Variants in SVOPL observed in about 807,000 individuals in gnomAD.
SVOPL encodes the protein putative transporter SVOPL.
In SVOPL, 60 loss-of-function variants were observed where a neutral mutation model predicts 61.0. That is an observed-to-expected ratio of 0.98 (90% CI 0.80 to 1.22). The LOEUF (loss-of-function observed/expected upper bound fraction) is 1.22. SVOPL is among the 50% of genes most tolerant of loss of function. SVOPL has a pLI of 0.00. For missense variants in SVOPL, 662 were observed against 643.9 expected (o/e 1.03, Z -0.30); for synonymous variants, 279 against 250.0 (o/e 1.12, Z -1.09).
intron 1 of SVOPL, among the ~76,000 whole-genome samples, chr7:138,691,312 T>C (rs996734860): frequency 6.6e-6 from 1 of 152,212 alleles, no homozygotes; most frequent in Non-Finnish European, 1.5e-5. Flanking sequence ...CTAAAATGCT[T>C]AACAATGAGT....
intron 13 of SVOPL, among the ~76,000 whole-genome samples, chr7:138,623,793 C>T (rs1480791786): frequency 6.6e-6 from 1 of 151,978 alleles, no homozygotes. Context: ...AAATTATTTT[C>T]TTAACTATGC....
intron 9 of SVOPL, among the ~76,000 whole-genome samples, chr7:138,642,794 C>T (rs897725241): frequency 1.4e-5 from 2 of 146,250 alleles, no homozygotes; most frequent in Non-Finnish European, 3.0e-5. Context: ...CACGCTACTA[C>T]ACTCCAGCCT....
intron 6 of SVOPL, among the ~76,000 whole-genome samples, chr7:138,657,432 G>T (rs1248652697): frequency 6.6e-6 from 1 of 152,000 alleles, no homozygotes; most frequent in Admixed American, 6.6e-5. Context: ...GTGAGCCACT[G>T]CACTCAGCCT....
intron 3 of SVOPL, among the ~76,000 whole-genome samples, chr7:138,675,381 T>C (rs1260167734): frequency 6.6e-6 from 1 of 152,102 alleles, no homozygotes; most frequent in African/African-American, 2.4e-5. Flanking sequence ...TGAGACTGAG[T>C]CTTGCTGTGT....
At chr7:138,694,829 C>T (rs1420776867) in intron 1 of SVOPL, among the ~76,000 whole-genome samples, 4 of 152,056 alleles carry the variant, frequency 2.6e-5, no homozygotes, top group African/African-American at 7.2e-5. Flanking sequence ...ACCTCCGCCT[C>T]CTGGGTTCAA....
At position 138,663,063 on chromosome 7, in the gene SVOPL, G is replaced by T. The variant is rs757706188; in HGVS notation, c.345+11C>A. On this transcript the variant is annotated intron_variant, in intron 5 of 15. Coordinates refer to ENST00000674285, the MANE Select transcript of SVOPL (RefSeq NM_001139456.2). ...AGACAATTCCAAATGCTACTGTGAG[G>T]CCCCACCTACCTTCCAGCGGCCATA... is the stretch of plus-strand genomic sequence containing the variant. 1.9e-6 allele frequency: 3 copies of T among 1,614,100 alleles called. No individual in the cohort carries two copies. The highest frequency in any genetic ancestry group is 1.3e-5 in the African/African-American group (1 of 75,024).
chr7:138,621,892 A>T (rs1584792382), intron 13 of SVOPL, among the ~76,000 whole-genome samples: 1 of 149,590 alleles, frequency 6.7e-6, no homozygotes, highest in Non-Finnish European at 1.5e-5. Flanking sequence ...CTATCTATCT[A>T]TCTATCTATC....
chr7:138,687,361 G>A (rs190220984), intron 1 of SVOPL, among the ~76,000 whole-genome samples: 127 of 146,350 alleles, frequency 8.7e-4, no homozygotes, highest in African/African-American at 2.9e-3. Context: ...TCAGCCTCCC[G>A]AGTAGCTGGG....
In SVOPL at chr7:138,701,208, T is replaced by A. The variant is rs565824341; in HGVS notation, c.-65A>T. On this transcript the variant is annotated 5_prime_UTR_variant, in exon 1 of 16. Coordinates refer to ENST00000674285, the MANE Select transcript of SVOPL (RefSeq NM_001139456.2). ...TATATTCCTTGGACAGTCTTCCAATTTCAGGCTCTTTTGCTCCCCTCACCG... is the reference window on the plus strand; with the variant it reads ...TATATTCCTTGGACAGTCTTCCAATATCAGGCTCTTTTGCTCCCCTCACCG... 1 of 152,326 alleles carries A rather than the reference T, an allele frequency of 6.6e-6. No individual in the cohort carries two copies. The highest frequency in any genetic ancestry group is 2.4e-5 in the African/African-American group (1 of 41,582). 9.4% of individuals were successfully genotyped at this position (152,326 alleles called of 1,614,324 possible).
intron 1 of SVOPL, among the ~76,000 whole-genome samples, 183 bp downstream of exon 1, chr7:138,700,995 C>T (rs1247291908): frequency 1.3e-5 from 2 of 152,006 alleles, no homozygotes; most frequent in Non-Finnish European, 2.9e-5. Context: ...AATTGGGCCA[C>T]AGTAGATCTT....
Position 138,684,684 on chromosome 7 carries a change from A to G in SVOPL, c.-34-5605T>C, listed in dbSNP as rs568127915. ...GGTGGGAATGTAAATTGGTGCAGCC[A>G]CTATGGAAAACAGTATTGAACTATC... is the stretch of plus-strand genomic sequence containing the variant. On this transcript the variant is annotated intron_variant, in intron 1 of 15. Transcript: ENST00000674285. Among the ~76,000 whole-genome samples, 48 of 152,348 alleles carry G rather than the reference A, an allele frequency of 3.2e-4. No homozygotes were observed. In the South Asian group the frequency reaches 8.7e-3, roughly 28 times the overall value.
At chr7:138,698,777 T>A (rs1331845284) in intron 1 of SVOPL, among the ~76,000 whole-genome samples, 2 of 152,160 alleles carry the variant, frequency 1.3e-5, no homozygotes, top group African/African-American at 2.4e-5. Context: ...GGTAGTACTG[T>A]CTCTCACCTC....
intron 1 of SVOPL, among the ~76,000 whole-genome samples, chr7:138,681,683 C>T (rs534142740): frequency 2.0e-4 from 31 of 152,140 alleles, no homozygotes; most frequent in African/African-American, 6.7e-4. Flanking sequence ...ATTAGCCAGG[C>T]GTGGTGGCAT....
At chr7:138,697,360 T>C (rs1342775991) in intron 1 of SVOPL, among the ~76,000 whole-genome samples, 1 of 152,048 alleles carries the variant, frequency 6.6e-6, no homozygotes, top group Non-Finnish European at 1.5e-5. Flanking sequence ...TTGTAGCAGA[T>C]ATAAGCCACA....
chr7:138,673,008 G>A lies in SVOPL; in HGVS notation c.175-891C>T, dbSNP rs1026627215. On this transcript the variant is annotated intron_variant, in intron 3 of 15. Transcript: ENST00000674285. ...AAAGGATCATGAAGGATGAGTCAAA[G>A]ATGACTGAGATTTTGTGTCTGGTGG... 4.4e-4 allele frequency among the ~76,000 whole-genome samples: 66 copies of A among 151,676 alleles called. 1 individual carries two copies.
chr7:138,661,356 ACT>A (rs1563127160), intron 5 of SVOPL: 1 of 985,240 alleles, frequency 1.0e-6, no homozygotes, highest in Non-Finnish European at 1.2e-6. Context: ...AAATGTCCAC[ACT>A]CTAATATGTT....
intron 9 of SVOPL, among the ~76,000 whole-genome samples, chr7:138,636,307 T>C (rs1301868598): frequency 2.0e-5 from 3 of 152,126 alleles, no homozygotes; most frequent in Admixed American, 6.6e-5. Context: ...TTATAAGAAA[T>C]GTGCAGTACT....
chr7:138,690,772 C>T (rs1443597281), intron 1 of SVOPL, among the ~76,000 whole-genome samples: 1 of 151,532 alleles, frequency 6.6e-6, no homozygotes, highest in Non-Finnish European at 1.5e-5. Context: ...TTCTTTCTTT[C>T]TTTCTTTCTT....
chr7:138,661,593 C>G, intron 5 of SVOPL: 1 of 985,296 alleles, frequency 1.0e-6, no homozygotes, highest in Non-Finnish European at 1.2e-6. Context: ...GCAAGTTGCA[C>G]AATGTGACGC....
Sources: allele counts gnomAD v4.1 joint callset (sites outside exome capture counted in the v4.1 genomes callset), GRCh38; gene constraint gnomAD v4.1.1; transcripts MANE v1.5; gene names NCBI Gene and HGNC (gene_info 2026-07-23, HGNC 2026-07-21).